The following VAT1L variants were observed in gnomAD, a reference collection of about 807,000 sequenced individuals.
VAT1L encodes the protein vesicle amine transport 1 like.
Under a neutral mutation model 44.1 loss-of-function variants are expected in VAT1L, and 34 were observed. That is an observed-to-expected ratio of 0.77 (90% CI 0.59 to 1.03). The LOEUF (loss-of-function observed/expected upper bound fraction) is 1.03. VAT1L is among the 50% of genes least tolerant of loss of function. The pLI, the probability that VAT1L is intolerant of heterozygous loss-of-function variation, is 0.00. For synonymous variants in VAT1L, 253 were observed against 202.2 expected (o/e 1.25, Z -2.13); for missense variants, 615 against 538.8 (o/e 1.14, Z -1.40).
At chr16:77,867,801 G>C (rs1438889052) in intron 4 of VAT1L, among the ~76,000 whole-genome samples, 3 of 151,130 alleles carry the variant, frequency 2.0e-5, no homozygotes, top group Admixed American at 2.0e-4. Context: ...GGAGGTTGCA[G>C]TGAGCCCAGA....
chr16:77,891,333 G>A (rs993450198), intron 7 of VAT1L, among the ~76,000 whole-genome samples: 10 of 152,178 alleles, frequency 6.6e-5, no homozygotes, highest in South Asian at 2.1e-4. Flanking sequence ...CAGCCTGGGC[G>A]ACAGAGCAAG....
chr16:77,906,062 C>A (rs1039196682), intron 7 of VAT1L, among the ~76,000 whole-genome samples: 4 of 152,146 alleles, frequency 2.6e-5, no homozygotes. Context: ...ACTGTCCCCC[C>A]AGTAATGAGT....
At chr16:77,840,450 G>C (rs1248919491) in intron 3 of VAT1L, among the ~76,000 whole-genome samples, 1 of 152,090 alleles carries the variant, frequency 6.6e-6, no homozygotes, top group Non-Finnish European at 1.5e-5. Context: ...AGAGTATCAG[G>C]AGCATTCCAT....
intron 7 of VAT1L, among the ~76,000 whole-genome samples, chr16:77,947,863 G>A (rs993707973): frequency 1.2e-4 from 18 of 152,082 alleles, no homozygotes; most frequent in African/African-American, 3.6e-4. Context: ...AGATTCTAGC[G>A]ATTCTCCTGC....
At chr16:77,868,858 C>A (rs775136606) in intron 4 of VAT1L, among the ~76,000 whole-genome samples, 13 of 152,104 alleles carry the variant, frequency 8.5e-5, no homozygotes, top group Admixed American at 5.9e-4. Context: ...CATCCCTGGT[C>A]TCTACCCATT....
chr16:77,876,321 C>A, intron 4 of VAT1L, 49 bp from the exon 5 acceptor site: 2 of 1,501,578 alleles, frequency 1.3e-6, no homozygotes, highest in Non-Finnish European at 1.9e-6. Context: ...GATTGACAGT[C>A]TGGCTCCTGA....
intron 7 of VAT1L, among the ~76,000 whole-genome samples, chr16:77,952,692 A>G (rs934205550): frequency 5.3e-5 from 8 of 151,878 alleles, no homozygotes; most frequent in African/African-American, 1.9e-4. Context: ...CCCTGTATCT[A>G]TTAAAAAATA....
chr16:77,810,781 C>T (rs2016251104), intron 1 of VAT1L, among the ~76,000 whole-genome samples: 1 of 152,098 alleles, frequency 6.6e-6, no homozygotes, highest in African/African-American at 2.4e-5. Flanking sequence ...TGTACTGAGC[C>T]TATAAGATCC....
intron 7 of VAT1L, among the ~76,000 whole-genome samples, chr16:77,931,216 C>T (rs917397362): frequency 6.6e-5 from 10 of 152,088 alleles, no homozygotes; most frequent in African/African-American, 2.2e-4. Flanking sequence ...CGTGGGTGGG[C>T]ATTAGGCAGC....
chr16:77,850,101 A>G (rs190519738), intron 3 of VAT1L, among the ~76,000 whole-genome samples: 1 of 152,206 alleles, frequency 6.6e-6, no homozygotes. Flanking sequence ...TGAACACGAT[A>G]GTCCCAAGTA....
chr16:77,805,865 C>CTTTCTTTTTTTTTTTTTTTTTTTTTTTT (rs2016147307), intron 1 of VAT1L, among the ~76,000 whole-genome samples: 1 of 78,860 alleles, frequency 1.3e-5, no homozygotes, highest in Non-Finnish European at 2.8e-5. Flanking sequence ...TAGTCTCTGC[C>CTTTCTTTTTTTTTTTTTTTTTTTTTTTT]TTTTTTTTTT....
intron 3 of VAT1L, among the ~76,000 whole-genome samples, chr16:77,852,300 CAA>C (rs992563212): frequency 9.9e-5 from 15 of 152,212 alleles, no homozygotes; most frequent in Non-Finnish European, 2.1e-4. Context: ...TTTGGGAAAG[CAA>C]AAGTCACCTC....
chr16:77,788,980 G>C, intron 1 of VAT1L, 65 bp downstream of exon 1: 6 of 1,405,634 alleles, frequency 4.3e-6, no homozygotes, highest in Non-Finnish European at 5.6e-6. Flanking sequence ...GAGGGGGTGG[G>C]AAAGCTGCGG....
At chr16:77,951,571 A>G (rs2018043566) in intron 7 of VAT1L, among the ~76,000 whole-genome samples, 1 of 152,156 alleles carries the variant, frequency 6.6e-6, no homozygotes, top group African/African-American at 2.4e-5. Flanking sequence ...AATAGGACTT[A>G]AAAGTATGAG....
At position 77,825,241 on chromosome 16, in the gene VAT1L, C is replaced by G. The variant is rs2016504875; in HGVS notation, c.364-5C>G. On this transcript the variant is annotated splice_polypyrimidine_tract_variant and splice_region_variant and intron_variant, in intron 2 of 8. Coordinates refer to ENST00000302536, the MANE Select transcript of VAT1L (RefSeq NM_020927.3). ...TCCACTAACTCTGTGTTTCCCCATGCCCAGATTGGAGACCGTGTCATGGCA... is the reference window on the plus strand; with the variant it reads ...TCCACTAACTCTGTGTTTCCCCATGGCCAGATTGGAGACCGTGTCATGGCA... 5 of 1,613,920 alleles carry G rather than the reference C, an allele frequency of 3.1e-6. No individual in the cohort carries two copies. In the South Asian group the frequency reaches 3.3e-5, roughly 11 times the overall value.
At chr16:77,833,793 T>C (rs1167863952) in intron 3 of VAT1L, among the ~76,000 whole-genome samples, 2 of 150,132 alleles carry the variant, frequency 1.3e-5, no homozygotes, top group African/African-American at 2.5e-5. Context: ...AAAGTGGGAA[T>C]AGGCTTTCAT....
intron 7 of VAT1L, among the ~76,000 whole-genome samples, chr16:77,911,301 G>A (rs1024212529): frequency 1.3e-5 from 2 of 152,200 alleles, no homozygotes; most frequent in Admixed American, 6.5e-5. Context: ...AAAACAATGA[G>A]GTGATTGGTG....
At chr16:77,909,674 C>G (rs905393461) in intron 7 of VAT1L, among the ~76,000 whole-genome samples, 2 of 148,280 alleles carry the variant, frequency 1.3e-5, no homozygotes, top group African/African-American at 4.9e-5. Flanking sequence ...TCTTGAGCTA[C>G]TGAGTGCTGA....
chr16:77,916,918 A>C (rs1048946093), intron 7 of VAT1L, among the ~76,000 whole-genome samples: 1 of 151,810 alleles, frequency 6.6e-6, no homozygotes, highest in Non-Finnish European at 1.5e-5. Flanking sequence ...TGGTAATATT[A>C]GTCATTTTCA....
Sources: gnomAD v4.1 joint callset for allele counts (sites outside exome capture counted in the v4.1 genomes callset) on GRCh38, gnomAD v4.1.1 for gene constraint, MANE v1.5 for transcripts, NCBI Gene and HGNC (gene_info 2026-07-23, HGNC 2026-07-21) for gene names.